C12orf56: variants seen among roughly 807,000 people sequenced by gnomAD.
The protein encoded by C12orf56 is uncharacterized protein C12orf56.
In C12orf56, 71 loss-of-function variants were observed where a neutral mutation model predicts 69.9. The ratio of observed to expected loss-of-function variants is 1.02; its 90% CI spans 0.84 to 1.24. The LOEUF (loss-of-function observed/expected upper bound fraction) is 1.24, where lower values mean the gene tolerates loss of function less well. Among genes scored for constraint, C12orf56 ranks in the 50% most tolerant of loss-of-function variants. The probability of loss-of-function intolerance (pLI) is 0.00; values close to 1 mark genes in which losing one functional copy is unlikely to be tolerated. For synonymous variants in C12orf56, 276 were observed against 274.1 expected (o/e 1.01, Z -0.07); for missense variants, 732 against 738.5 (o/e 0.99, Z 0.10).
chr12:64,373,967 T>G, intron 1 of C12orf56, among the ~76,000 whole-genome samples: 1 of 152,176 alleles, frequency 6.6e-6, no homozygotes, highest in Non-Finnish European at 1.5e-5. Context: ...ATTTTTCCAT[T>G]TGGAACTTGG....
intron 2 of C12orf56, among the ~76,000 whole-genome samples, chr12:64,337,784 G>C (rs563785356): frequency 6.6e-6 from 1 of 151,456 alleles, no homozygotes; most frequent in Admixed American, 6.6e-5. Flanking sequence ...TTGAACCTGA[G>C]GGGTGGAGGT....
chr12:64,385,621 C>T (rs1341222658), intron 1 of C12orf56, among the ~76,000 whole-genome samples: 1 of 151,988 alleles, frequency 6.6e-6, no homozygotes, highest in African/African-American at 2.4e-5. Context: ...GATCTTGTGG[C>T]CCCCACCCAG....
At chr12:64,389,846 C>CA (rs1228935793) in intron 1 of C12orf56, among the ~76,000 whole-genome samples, 1 of 151,952 alleles carries the variant, frequency 6.6e-6, no homozygotes. Context: ...GCATCGGGGG[C>CA]AAAAAAGTAA....
At chr12:64,319,394 TTTTGTTTG>T (rs572177526) in intron 3 of C12orf56, among the ~76,000 whole-genome samples, 1 of 151,432 alleles carries the variant, frequency 6.6e-6, no homozygotes, top group African/African-American at 2.4e-5. Context: ...AAGAGAGGGG[TTTTGTTTG>T]TTTGTTTGTT....
chr12:64,383,628 G>C (rs2039750909), intron 1 of C12orf56, among the ~76,000 whole-genome samples: 1 of 151,992 alleles, frequency 6.6e-6, no homozygotes, highest in Admixed American at 6.6e-5. Context: ...GCCCACCTCA[G>C]CCTCCCCAAG....
chr12:64,310,016 T>C (rs1434742863), intron 5 of C12orf56, among the ~76,000 whole-genome samples: 2 of 151,914 alleles, frequency 1.3e-5, no homozygotes, highest in Non-Finnish European at 2.9e-5. Context: ...CACCTTTTTT[T>C]TTTAAATCTC....
chr12:64,311,399 C>A (rs1338001307), intron 5 of C12orf56, among the ~76,000 whole-genome samples: 2 of 142,884 alleles, frequency 1.4e-5, no homozygotes, highest in African/African-American at 5.3e-5. Context: ...GGCAACAGAG[C>A]AAGACTTTGT....
At position 64,355,073 on chromosome 12, in the gene C12orf56, G is replaced by A. The variant is rs184463839; in HGVS notation, c.253-2017C>T. 3.7e-3 allele frequency among the ~76,000 whole-genome samples: 268 copies of A among 72,924 alleles called. 3 individuals are homozygous for A. Among genetic ancestry groups the A allele is most frequent in the South Asian group, 6.8e-3 (13 of 1,906 alleles). 47.8% of individuals were successfully genotyped at this position (72,924 alleles called of 152,430 possible). ...AGCCTGGGGAACAAAGTGAGACTCC[G>A]TCTCAAAAAAAAAAAAAAAAAAAAA... On this transcript the variant is annotated intron_variant, in intron 1 of 12. Coordinates refer to ENST00000543942, the MANE Select transcript of C12orf56 (RefSeq NM_001170633.2).
At chr12:64,342,327 T>C (rs960168302) in intron 2 of C12orf56, among the ~76,000 whole-genome samples, 5 of 152,192 alleles carry the variant, frequency 3.3e-5, no homozygotes, top group African/African-American at 7.2e-5. Context: ...AATGGGAAGA[T>C]TTCCCTTCAC....
intron 1 of C12orf56, among the ~76,000 whole-genome samples, chr12:64,364,088 A>G (rs571962452): frequency 1.3e-5 from 2 of 151,872 alleles, no homozygotes; most frequent in Admixed American, 1.3e-4. Context: ...CGATGTGGGC[A>G]GATCACTTGA....
At chr12:64,276,803 G>A (rs2038055590) in intron 9 of C12orf56, among the ~76,000 whole-genome samples, 1 of 151,466 alleles carries the variant, frequency 6.6e-6, no homozygotes, top group Non-Finnish European at 1.5e-5. Flanking sequence ...AAACCAACCT[G>A]GGTAACATGG....
In C12orf56 at chr12:64,338,547, C is replaced by CT. The variant is rs1445292814; in HGVS notation, c.416-7516dup. 1.9e-5 allele frequency: 27 copies of CT among 1,438,678 alleles called. No individual in the cohort carries two copies. In the Admixed American group the frequency reaches 4.5e-4, roughly 24 times the overall value. The allele number at this position is 1,438,678 out of a possible 1,614,324, so 89.1% of individuals were successfully genotyped here. ...GTAAGGTCATCCCTCACTCTGAGGACTTTGAGTCTTGCTTGATTCATCAAA... is the reference window on the plus strand; with the variant it reads ...GTAAGGTCATCCCTCACTCTGAGGACTTTTGAGTCTTGCTTGATTCATCAAA... On this transcript the variant is annotated intron_variant, in intron 2 of 12. Coordinates refer to ENST00000543942, the MANE Select transcript of C12orf56 (RefSeq NM_001170633.2).
chr12:64,342,639 A>G (rs1281783864), intron 2 of C12orf56, among the ~76,000 whole-genome samples: 1 of 152,204 alleles, frequency 6.6e-6, no homozygotes, highest in Non-Finnish European at 1.5e-5. Context: ...GCTGCTGTGC[A>G]TGATCCACTT....
At chr12:64,330,828 T>C (rs1415665826) in intron 3 of C12orf56, 132 bp downstream of exon 3, 5 of 638,926 alleles carry the variant, frequency 7.8e-6, no homozygotes, top group Non-Finnish European at 1.3e-5. Context: ...ACTTTCTTCC[T>C]TATTGCATAT....
chr12:64,331,380 A>G (rs1443588380), intron 2 of C12orf56, among the ~76,000 whole-genome samples: 1 of 152,148 alleles, frequency 6.6e-6, no homozygotes, highest in African/African-American at 2.4e-5. Flanking sequence ...GTGCATCTGT[A>G]GCCCCAGCTA....
At chr12:64,346,945 T>C (rs1480164194) in intron 2 of C12orf56, among the ~76,000 whole-genome samples, 4 of 151,384 alleles carry the variant, frequency 2.6e-5, no homozygotes, top group Non-Finnish European at 5.9e-5. Context: ...CCTATATCTA[T>C]ATATATATCT....
At chr12:64,373,832 C>G (rs1419404586) in intron 1 of C12orf56, among the ~76,000 whole-genome samples, 5 of 152,018 alleles carry the variant, frequency 3.3e-5, no homozygotes, top group African/African-American at 1.2e-4. Context: ...CGTTCATGTT[C>G]TCTCATGAAA....
chr12:64,275,038 A>G (rs1224887588), intron 10 of C12orf56, 63 bp from the exon 11 acceptor site: 1 of 1,382,588 alleles, frequency 7.2e-7, no homozygotes, highest in East Asian at 2.3e-5. Flanking sequence ...ATAAAAGGAT[A>G]CTCATTCTTA....
At chr12:64,338,162 TC>T (rs1185125898) in intron 2 of C12orf56, 1 of 566,342 alleles carries the variant, frequency 1.8e-6, no homozygotes, top group African/African-American at 1.9e-5. Context: ...GAGCTCCACC[TC>T]CCGAAGGCTT....
Sources: gnomAD v4.1 joint callset for allele counts (sites outside exome capture counted in the v4.1 genomes callset) on GRCh38, gnomAD v4.1.1 for gene constraint, MANE v1.5 for transcripts, NCBI Gene and HGNC (gene_info 2026-07-23, HGNC 2026-07-21) for gene names.